Variants in BCAR3 observed in about 807,000 individuals in gnomAD.
BCAR3 encodes the protein BCAR3 adaptor protein, NSP family member, also known as breast cancer anti-estrogen resistance protein 3.
In BCAR3, 37 loss-of-function variants were observed where a neutral mutation model predicts 80.1. That is an observed-to-expected ratio of 0.46 (90% confidence interval 0.36 to 0.61). The LOEUF is 0.61. Among genes scored for constraint, BCAR3 ranks in the 20% least tolerant of loss-of-function variants. The pLI is 0.00. For synonymous variants in BCAR3, 389 were observed against 418.9 expected (o/e 0.93, Z 0.87); for missense variants, 978 against 1,068.2 (o/e 0.92, Z 1.18).
intron 3 of BCAR3, among the ~76,000 whole-genome samples, chr1:93,699,763 T>A (rs1033065919): frequency 5.9e-5 from 9 of 152,206 alleles, no homozygotes; most frequent in African/African-American, 2.2e-4. Flanking sequence ...GAGTGCTTAT[T>A]ATGTAATAGC....
intron 7 of BCAR3, among the ~76,000 whole-genome samples, chr1:93,580,203 G>C (rs1443928734): frequency 1.3e-5 from 2 of 152,178 alleles, no homozygotes; most frequent in African/African-American, 4.8e-5. Flanking sequence ...AGCCTGTTTT[G>C]GGGAGCCCTC....
chr1:93,598,701 C>T (rs1444492041), intron 3 of BCAR3, among the ~76,000 whole-genome samples: 3 of 151,948 alleles, frequency 2.0e-5, no homozygotes, highest in Non-Finnish European at 2.9e-5. Flanking sequence ...GCAGCCGGGG[C>T]AAGTTACCCC....
At chr1:93,824,749 AT>A (rs1654323199) in intron 2 of BCAR3, among the ~76,000 whole-genome samples, 1 of 132,848 alleles carries the variant, frequency 7.5e-6, no homozygotes, top group African/African-American at 2.5e-5. Flanking sequence ...CAGATGACAT[AT>A]TTTTCATGCG....
chr1:93,786,469 G>A (rs1652950821), intron 2 of BCAR3, among the ~76,000 whole-genome samples: 1 of 152,180 alleles, frequency 6.6e-6, no homozygotes, highest in Non-Finnish European at 1.5e-5. Flanking sequence ...ACCATGGAGA[G>A]CAGAGACAAA....
intron 3 of BCAR3, among the ~76,000 whole-genome samples, chr1:93,621,696 G>A (rs1157210589): frequency 6.6e-6 from 1 of 152,118 alleles, no homozygotes; most frequent in Non-Finnish European, 1.5e-5. Flanking sequence ...GATGGACCTT[G>A]TTTGCATGTA....
At chr1:93,788,967 C>T (rs1403957663) in intron 2 of BCAR3, among the ~76,000 whole-genome samples, 1 of 151,956 alleles carries the variant, frequency 6.6e-6, no homozygotes, top group Non-Finnish European at 1.5e-5. Flanking sequence ...ATATTCCCTC[C>T]CTTCCTCCCT....
At chr1:93,820,966 C>T (rs1316544353) in intron 2 of BCAR3, among the ~76,000 whole-genome samples, 1 of 142,614 alleles carries the variant, frequency 7.0e-6, no homozygotes, top group Non-Finnish European at 1.5e-5. Context: ...ATAGCAGGAA[C>T]TAGGGACCAA....
chr1:93,760,676 G>A (rs1232056239), intron 2 of BCAR3, among the ~76,000 whole-genome samples: 1 of 152,122 alleles, frequency 6.6e-6, no homozygotes, highest in Non-Finnish European at 1.5e-5. Flanking sequence ...TCTTGCTGCA[G>A]GCACAGCTCC....
intron 2 of BCAR3, among the ~76,000 whole-genome samples, chr1:93,740,828 T>G (rs996182445): frequency 6.6e-6 from 1 of 152,132 alleles, no homozygotes; most frequent in African/African-American, 2.4e-5. Flanking sequence ...AGTGGGAAAT[T>G]CAGTAGGGCG....
chr1:93,589,089 C>T lies in BCAR3; in HGVS notation c.817G>A (p.Ala273Thr), dbSNP rs1184785807. 6.2e-7 allele frequency: 1 copy of T among 1,612,626 alleles called. No individual in the cohort carries two copies. Among genetic ancestry groups the T allele is most frequent in the East Asian group, 2.2e-5 (1 of 44,832 alleles). The stretch of plus-strand genomic sequence containing the variant: ...CCCTTGGTGAGGCTGCCCTCCCGGG[C>T]CTGGCCTGGGGAGGTGCCATAATGC... ...EEHYGTSPGQAREGSLTKGRP... is the reference protein window; with the variant it reads ...EEHYGTSPGQTREGSLTKGRP... The change falls in exon 5 of 12, where the codon GCC becomes ACC. Residue 273 changes from alanine (A) to threonine (T), a missense_variant. Transcript: ENST00000260502.
chr1:93,595,332 TGAGAG>T (rs1674379033), intron 3 of BCAR3, among the ~76,000 whole-genome samples: 1 of 151,342 alleles, frequency 6.6e-6, no homozygotes, highest in African/African-American at 2.4e-5. Context: ...GGGAGGAAAA[TGAGAG>T]GAAAGGAGGG....
intron 2 of BCAR3, among the ~76,000 whole-genome samples, chr1:93,822,291 C>G (rs1654252567): frequency 6.6e-6 from 1 of 151,616 alleles, no homozygotes; most frequent in African/African-American, 2.4e-5. Flanking sequence ...GATTCTCCTG[C>G]CTCAGCCTCC....
chr1:93,564,558 G>A (rs563072113), intron 11 of BCAR3, among the ~76,000 whole-genome samples: 4 of 151,670 alleles, frequency 2.6e-5, no homozygotes, highest in East Asian at 3.9e-4. Flanking sequence ...GATTACAGGC[G>A]TGAGCCACCG....
chr1:93,805,079 A>G (rs1653613632), intron 2 of BCAR3, among the ~76,000 whole-genome samples: 1 of 152,242 alleles, frequency 6.6e-6, no homozygotes, highest in African/African-American at 2.4e-5. Context: ...TCATCATAAC[A>G]TTGTTTATAC....
In BCAR3 at chr1:93,634,725, A is replaced by C. The variant is rs1013335995; in HGVS notation, c.357+7579T>G. The stretch of plus-strand genomic sequence containing the variant: ...AACAACAACAACAACAACAACAAAA[A>C]AAAAACGGAGTTTCCCTGCACAAGC... On this transcript the variant is annotated intron_variant, in intron 3 of 11. Transcript: ENST00000260502. Among the ~76,000 whole-genome samples, 494 of 151,982 alleles carry C rather than the reference A, an allele frequency of 3.3e-3. 8 individuals carry two copies. Among genetic ancestry groups the C allele is most frequent in the African/African-American group, 0.012 (483 of 41,420 alleles).
intron 2 of BCAR3, among the ~76,000 whole-genome samples, chr1:93,830,002 ACTCT>A (rs1041406701): frequency 1.3e-5 from 2 of 150,750 alleles, no homozygotes; most frequent in Admixed American, 1.3e-4. Context: ...CTCCCCACTC[ACTCT>A]CTCTTCCTCC....
chr1:93,633,638 C>T (rs1675691183), intron 3 of BCAR3, among the ~76,000 whole-genome samples: 1 of 152,012 alleles, frequency 6.6e-6, no homozygotes, highest in South Asian at 2.1e-4. Flanking sequence ...TTTAACTTGC[C>T]TTTTTTTGTC....
chr1:93,730,684 C>T (rs1334701480), intron 2 of BCAR3, among the ~76,000 whole-genome samples: 1 of 152,202 alleles, frequency 6.6e-6, no homozygotes, highest in Non-Finnish European at 1.5e-5. Context: ...CATCCAGCAC[C>T]ACTGACCTTT....
intron 7 of BCAR3, among the ~76,000 whole-genome samples, chr1:93,577,961 A>G (rs1021727401): frequency 1.3e-5 from 2 of 152,226 alleles, no homozygotes; most frequent in Non-Finnish European, 1.5e-5. Flanking sequence ...CCAAGCTCAC[A>G]CCGCAGGGCC....
Sources: allele counts gnomAD v4.1 joint callset (sites outside exome capture counted in the v4.1 genomes callset), GRCh38; gene constraint gnomAD v4.1.1; transcripts MANE v1.5; gene names NCBI Gene and HGNC (gene_info 2026-07-23, HGNC 2026-07-21).